The following CPA1 variants were observed in gnomAD, a reference collection of about 807,000 sequenced individuals.
CPA1 encodes the protein carboxypeptidase A1 (pancreatic).
A neutral mutation model predicts 48.7 loss-of-function variants in CPA1; 42 were observed. The observed-to-expected ratio is 0.86, with a 90% CI of 0.67 to 1.11. The LOEUF (loss-of-function observed/expected upper bound fraction) is 1.11, where lower values mean the gene tolerates loss of function less well. Ranked by LOEUF, CPA1 falls within the 50% of genes most tolerant of loss-of-function variation. CPA1 has a pLI of 0.00. For missense variants in CPA1, 477 were observed against 544.7 expected, an observed-to-expected ratio of 0.88 and a Z score of 1.24; for synonymous variants, 203 against 217.9, an observed-to-expected ratio of 0.93 and a Z score of 0.60.
In CPA1 at chr7:130,384,612, A is replaced by G. The variant is rs1211947603; in HGVS notation, c.773A>G (p.Asp258Gly). Residue 258 changes from aspartate to glycine, a missense_variant, in exon 7 of 10, where the codon GAC becomes GGC. Coordinates refer to ENST00000011292, the MANE Select transcript of CPA1 (RefSeq NM_001868.4). Reference protein sequence around the residue: ...CIGVDPNRNWDAGFGLSGASS... With the variant: ...CIGVDPNRNWGAGFGLSGASS... Reference sequence around the variant, plus strand: ...GGCGTGGACCCCAACAGGAACTGGGACGCTGGCTTTGGGTGTAAGGCCCAG... The same window carrying G: ...GGCGTGGACCCCAACAGGAACTGGGGCGCTGGCTTTGGGTGTAAGGCCCAG... 2 of 1,613,972 alleles carry G rather than the reference A, an allele frequency of 1.2e-6. No homozygotes were observed. Among genetic ancestry groups the G allele is most frequent in the Admixed American group, 3.3e-5 (2 of 60,006 alleles).
At chr7:130,383,282 TAC>T in intron 4 of CPA1, 107 bp from the exon 5 acceptor site, 4 of 807,850 alleles carry the variant, frequency 5.0e-6, no homozygotes, top group Non-Finnish European at 6.4e-6. Context: ...CTACCTGAGA[TAC>T]ACAGAGAGCA....
In CPA1 at chr7:130,385,264, C is replaced by T. The variant is rs782003179; in HGVS notation, c.906C>T (p.Phe302=). The T allele has an allele frequency of 6.2e-7, 1 of 1,614,216 alleles. No individual in the cohort carries two copies. Among genetic ancestry groups the T allele is most frequent in the South Asian group, 1.1e-5 (1 of 91,084 alleles). Residue 302 remains phenylalanine (F), a synonymous_variant, in exon 8 of 10, where the codon TTC becomes TTT. Transcript: ENST00000011292. The stretch of plus-strand genomic sequence containing the variant: ...AGGACCATGGGAACATCAAGGCCTT[C>T]ATCTCCATCCACAGCTACTCCCAGC... ...FVKDHGNIKA[F]ISIHSYSQLL...
At position 130,385,854 on chromosome 7, in the gene CPA1, G is replaced by T; in HGVS notation, c.1003G>T (p.Ala335Ser). ...DQDELDQLSK[A>S]AVTALASLYG... is the part of the protein sequence containing the mutation. ...TTTTGTCCAGGATCAGCTTTCCAAG[G>T]CTGCTGTGACAGCCCTGGCCTCTCT... The change falls in exon 9 of 10, where the codon GCT (alanine) becomes TCT (serine). Residue 335 changes from alanine to serine, a missense_variant. Coordinates refer to ENST00000011292, the MANE Select transcript of CPA1 (RefSeq NM_001868.4). 6.2e-7 allele frequency: 1 copy of T among 1,614,052 alleles called. No individual in the cohort carries two copies. The highest frequency in any genetic ancestry group is 8.5e-7 in the Non-Finnish European group (1 of 1,179,990).
In CPA1 at chr7:130,385,197, C is replaced by A. The variant is rs782776885; in HGVS notation, c.839C>A (p.Ala280Asp). 1 of 1,614,126 alleles carries A rather than the reference C, an allele frequency of 6.2e-7. No individual in the cohort carries two copies. The highest frequency in any genetic ancestry group is 8.5e-7 in the Non-Finnish European group (1 of 1,180,058). ...TCGGAGACTTACCACGGCAAGTTTG[C>A]CAATTCCGAAGTGGAGGTCAAGTCC... ...PCSETYHGKF[A>D]NSEVEVKSIV... Residue 280 changes from alanine to aspartate, a missense_variant, in exon 8 of 10, where the codon GCC becomes GAC. Coordinates refer to ENST00000011292, the MANE Select transcript of CPA1 (RefSeq NM_001868.4).
In CPA1 at chr7:130,385,063, C is replaced by G; in HGVS notation, c.788-83C>G. The G allele has an allele frequency of 2.2e-6, 3 of 1,392,800 alleles. No homozygotes were observed. In the Admixed American group the frequency reaches 5.1e-5, roughly 24 times the overall value. The allele number at this position is 1,392,800 out of a possible 1,614,324, so 86.3% of individuals were successfully genotyped here. On this transcript the variant is annotated intron_variant, in intron 7 of 9. Transcript: ENST00000011292. ...AGTGAGCCCTTCCATACCACCTCAC[C>G]CCCAACTCCATGCAAAGAACTGGAT...
intron 6 of CPA1, chr7:130,384,099 G>A (rs546019879): frequency 2.2e-5 from 10 of 462,926 alleles, no homozygotes; most frequent in East Asian, 8.1e-5. Flanking sequence ...GCAAAATATC[G>A]CAGGGGAGGG....
chr7:130,381,045 T>C (rs1456651001), intron 1 of CPA1, 53 bp from the exon 2 acceptor site: 1 of 1,460,212 alleles, frequency 6.8e-7, no homozygotes, highest in African/African-American at 1.4e-5. Context: ...GGAGTGCTTG[T>C]GGCCAGGGCA....
Position 130,381,091 on chromosome 7 carries a change from TG to T in CPA1, c.66-6del, listed in dbSNP as rs1554411098. The T allele has an allele frequency of 6.2e-7, 1 of 1,612,592 alleles. No homozygotes were observed. Among genetic ancestry groups the T allele is most frequent in the South Asian group, 1.1e-5 (1 of 90,720 alleles). On this transcript the variant is annotated splice_region_variant and splice_polypyrimidine_tract_variant and intron_variant, in intron 1 of 9. Coordinates refer to ENST00000011292, the MANE Select transcript of CPA1 (RefSeq NM_001868.4). ...GGGTGCTCACTCCCCACTCCCACTCTGCCCAGGCATCAGGTGCTCCGAATCT... is the reference window on the plus strand; with the variant it reads ...GGGTGCTCACTCCCCACTCCCACTCTCCCAGGCATCAGGTGCTCCGAATCT...
At chr7:130,385,068 A>G (rs1411939875) in intron 7 of CPA1, 78 bp from the exon 8 acceptor site, 1 of 1,448,752 alleles carries the variant, frequency 6.9e-7, no homozygotes, top group Non-Finnish European at 9.7e-7. Flanking sequence ...CTCACCCCCA[A>G]CTCCATGCAA....
intron 8 of CPA1, among the ~76,000 whole-genome samples, 163 bp downstream of exon 8, chr7:130,385,508 T>G (rs1796463667): frequency 6.6e-6 from 1 of 152,188 alleles, no homozygotes; most frequent in South Asian, 2.1e-4. Flanking sequence ...AACCATTTTT[T>G]CTGGGAAACT....
At chr7:130,383,541 T>A in intron 5 of CPA1, 49 bp downstream of exon 5, 4 of 1,523,610 alleles carry the variant, frequency 2.6e-6, no homozygotes, top group Non-Finnish European at 3.6e-6. Context: ...GGCATTGGTG[T>A]CCAAGGCCCA....
intron 6 of CPA1, 82 bp downstream of exon 6, chr7:130,383,876 A>C: frequency 3.8e-4 from 382 of 1,009,394 alleles, no homozygotes; most frequent in Non-Finnish European, 5.5e-4. Flanking sequence ...CCCTAATCTC[A>C]AGCCCCAGAA....
chr7:130,383,681 C>T lies in CPA1; in HGVS notation c.586-3C>T. ...CTGCCCCTCTGCTCCTCTAACCCCC[C>T]AGATCACTCAAGACTACGGGCAGGA... is the stretch of plus-strand genomic sequence containing the variant. On this transcript the variant is annotated splice_polypyrimidine_tract_variant and splice_region_variant and intron_variant, in intron 5 of 9. Transcript: ENST00000011292. 1 of 1,610,492 alleles carries T rather than the reference C, an allele frequency of 6.2e-7. No homozygotes were observed. The highest frequency in any genetic ancestry group is 1.3e-5 in the African/African-American group (1 of 74,986).
At chr7:130,384,762 C>G (rs1230354329) in intron 7 of CPA1, 136 bp downstream of exon 7, 6 of 712,704 alleles carry the variant, frequency 8.4e-6, no homozygotes, top group Non-Finnish European at 1.4e-5. Flanking sequence ...TCTGAGGGCT[C>G]TTGGGGATGG....
chr7:130,384,427 C>A, intron 6 of CPA1, 109 bp from the exon 7 acceptor site: 1 of 905,198 alleles, frequency 1.1e-6, no homozygotes, highest in South Asian at 1.5e-5. Context: ...TCCAGGGAGC[C>A]CTCCCCTCAG....
At chr7:130,386,178 T>C (rs538269503) in intron 9 of CPA1, among the ~76,000 whole-genome samples, 1 of 151,950 alleles carries the variant, frequency 6.6e-6, no homozygotes, top group South Asian at 2.1e-4. Context: ...AGTTTCTTGG[T>C]TGGATGGGGT....
At chr7:130,385,953 G>C in intron 9 of CPA1, 30 bp downstream of exon 9, 1 of 1,563,946 alleles carries the variant, frequency 6.4e-7, no homozygotes, top group South Asian at 1.1e-5. Context: ...CTCTTGATGG[G>C]CCTGCGAGGA....
At chr7:130,386,485 G>A (rs561407725) in intron 9 of CPA1, among the ~76,000 whole-genome samples, 2 of 151,822 alleles carry the variant, frequency 1.3e-5, no homozygotes, top group Admixed American at 1.3e-4. Context: ...TGAGCCAAGA[G>A]CACGCCACTG....
chr7:130,383,306 G>A (rs1796429671), intron 4 of CPA1, 85 bp from the exon 5 acceptor site: 1 of 1,020,462 alleles, frequency 9.8e-7, no homozygotes, highest in African/African-American at 1.6e-5. Flanking sequence ...GTGGTCTCTG[G>A]CCCAGGTCGG....
Sources: allele counts gnomAD v4.1 joint callset (sites outside exome capture counted in the v4.1 genomes callset), GRCh38; gene constraint gnomAD v4.1.1; transcripts MANE v1.5; gene names NCBI Gene and HGNC (gene_info 2026-07-23, HGNC 2026-07-21).